The following PANK1 variants were observed in gnomAD, a reference collection of about 807,000 sequenced individuals.
PANK1 encodes the protein pantothenate kinase 1.
Under a neutral mutation model 40.1 loss-of-function variants are expected in PANK1, and 18 were observed. The ratio of observed to expected loss-of-function variants is 0.45; its 90% CI spans 0.31 to 0.67. The LOEUF (loss-of-function observed/expected upper bound fraction) is 0.67. Among genes scored for constraint, PANK1 ranks in the 30% least tolerant of loss-of-function variants. The pLI, the probability that PANK1 is intolerant of heterozygous loss-of-function variation, is 0.06. For missense variants in PANK1, 457 were observed against 599.6 expected (o/e 0.76, Z 2.48); for synonymous variants, 242 against 237.7 (o/e 1.02, Z -0.17).
chr10:89,642,385 A>G (rs1334840144), intron 1 of PANK1, among the ~76,000 whole-genome samples: 1 of 152,248 alleles, frequency 6.6e-6, no homozygotes, highest in Non-Finnish European at 1.5e-5. Flanking sequence ...CTTAACACAC[A>G]TCTTGTTGGG....
chr10:89,591,521 C>T (rs1448013413), intron 5 of PANK1, among the ~76,000 whole-genome samples: 1 of 152,206 alleles, frequency 6.6e-6, no homozygotes, highest in Non-Finnish European at 1.5e-5. Context: ...AAATCAGTGA[C>T]TCCAGAGAGC....
In PANK1 at chr10:89,584,400, T is replaced by G; in HGVS notation, c.*6A>C. 6.3e-7 allele frequency: 1 copy of G among 1,585,416 alleles called. No homozygotes were observed. Among genetic ancestry groups the G allele is most frequent in the Non-Finnish European group, 8.7e-7 (1 of 1,154,022 alleles). ...TTTGGGAGGCTGTTTCCTCCACTGC[T>G]CGTCTCTACTTGTCATCAGTCATTT... On this transcript the variant is annotated 3_prime_UTR_variant, in exon 7 of 7. Transcript: ENST00000307534.
chr10:89,591,597 C>T (rs758510575), intron 5 of PANK1, among the ~76,000 whole-genome samples: 4 of 152,162 alleles, frequency 2.6e-5, no homozygotes, highest in Admixed American at 1.3e-4. Context: ...GTCACTGGTG[C>T]GGCCACTGGG....
intron 2 of PANK1, among the ~76,000 whole-genome samples, chr10:89,609,525 C>T (rs1001977862): frequency 2.0e-5 from 3 of 152,208 alleles, no homozygotes; most frequent in African/African-American, 7.2e-5. Flanking sequence ...CCTATTCATC[C>T]TCATAACTTT....
chr10:89,629,664 T>C (rs760562412), intron 1 of PANK1, among the ~76,000 whole-genome samples: 10 of 152,196 alleles, frequency 6.6e-5, no homozygotes, highest in Non-Finnish European at 1.2e-4. Context: ...GTGATGCTTG[T>C]TCAACATAAA....
At chr10:89,580,588 C>T (rs1485090084), downstream of PANK1, 1 of 152,302 alleles carries the variant, frequency 6.6e-6, no homozygotes, top group Non-Finnish European at 1.5e-5. Context: ...CCCTCCCTTC[C>T]TCTCCACTTA....
intron 1 of PANK1, among the ~76,000 whole-genome samples, chr10:89,621,779 T>G (rs1845494060): frequency 6.6e-6 from 1 of 152,218 alleles, no homozygotes; most frequent in South Asian, 2.1e-4. Flanking sequence ...AGTGGCACAA[T>G]CTCGGCTCAC....
chr10:89,625,521 C>T (rs1409902044), intron 1 of PANK1, among the ~76,000 whole-genome samples: 1 of 152,162 alleles, frequency 6.6e-6, no homozygotes, highest in Non-Finnish European at 1.5e-5. Context: ...CTCTCTCCCC[C>T]TGACTGCCAT....
At chr10:89,622,142 A>C (rs1845504615) in intron 1 of PANK1, among the ~76,000 whole-genome samples, 1 of 152,264 alleles carries the variant, frequency 6.6e-6, no homozygotes, top group Non-Finnish European at 1.5e-5. Context: ...CATGAAACAC[A>C]GTTGAAAACT....
chr10:89,644,453 T>G, intron 1 of PANK1, 147 bp downstream of exon 1: 1 of 652,684 alleles, frequency 1.5e-6, no homozygotes, highest in Non-Finnish European at 2.5e-6. Flanking sequence ...AAAGAATCAG[T>G]CCCGGGAACC....
At chr10:89,642,575 T>G (rs571526513) in intron 1 of PANK1, among the ~76,000 whole-genome samples, 3 of 152,354 alleles carry the variant, frequency 2.0e-5, no homozygotes, top group African/African-American at 7.2e-5. Flanking sequence ...ATGTAAATAC[T>G]CACAGAGTAC....
At chr10:89,594,866 C>T (rs903675130) in intron 3 of PANK1, among the ~76,000 whole-genome samples, 1 of 152,116 alleles carries the variant, frequency 6.6e-6, no homozygotes, top group African/African-American at 2.4e-5. Context: ...AGTAAAGTAT[C>T]GCCAGTGAAC....
intron 1 of PANK1, among the ~76,000 whole-genome samples, chr10:89,621,226 G>T (rs1426235812): frequency 6.6e-6 from 1 of 152,034 alleles, no homozygotes; most frequent in Non-Finnish European, 1.5e-5. Flanking sequence ...GCTTGAACCC[G>T]GGAGGTGGAG....
At chr10:89,632,923 T>A (rs888939139) in intron 1 of PANK1, among the ~76,000 whole-genome samples, 1 of 152,188 alleles carries the variant, frequency 6.6e-6, no homozygotes, top group African/African-American at 2.4e-5. Flanking sequence ...TCTTCAGACA[T>A]TGTCCTACTT....
chr10:89,613,978 T>A, intron 1 of PANK1: 1 of 456,726 alleles, frequency 2.2e-6, no homozygotes, highest in African/African-American at 2.0e-5. Context: ...TGGGTTGCAT[T>A]AAAATTATCT....
At chr10:89,592,068 T>A (rs1844409300) in intron 5 of PANK1, among the ~76,000 whole-genome samples, 2 of 152,240 alleles carry the variant, frequency 1.3e-5, no homozygotes, top group South Asian at 4.1e-4. Context: ...TAAACTCTGT[T>A]ACATTGAGTC....
chr10:89,611,028 C>T (rs1845136032), intron 2 of PANK1, among the ~76,000 whole-genome samples: 4 of 152,114 alleles, frequency 2.6e-5, no homozygotes, highest in Admixed American at 6.5e-5. Context: ...GTTACTTATC[C>T]GTATCTTCCA....
At chr10:89,639,291 A>G (rs1841906044) in intron 1 of PANK1, 1 of 429,064 alleles carries the variant, frequency 2.3e-6, no homozygotes. Flanking sequence ...TCCTTTTACA[A>G]TTGGCATTAA....
At chr10:89,643,941 T>G in intron 1 of PANK1, 1 of 1,201,622 alleles carries the variant, frequency 8.3e-7, no homozygotes, top group Non-Finnish European at 1.1e-6. Flanking sequence ...ACCTCCCCCT[T>G]CGTTGAAAAA....
Sources: gnomAD v4.1 joint callset for allele counts (sites outside exome capture counted in the v4.1 genomes callset) on GRCh38, gnomAD v4.1.1 for gene constraint, MANE v1.5 for transcripts, NCBI Gene and HGNC (gene_info 2026-07-23, HGNC 2026-07-21) for gene names.